PTPRE: variants seen among roughly 807,000 people sequenced by gnomAD.
The protein encoded by PTPRE is protein tyrosine phosphatase receptor type E, also known as receptor-type tyrosine-protein phosphatase epsilon.
PTPRE carries 51 observed loss-of-function variants against 102.0 expected under a neutral mutation model. The observed-to-expected ratio is 0.50, with a 90% confidence interval of 0.40 to 0.63. PTPRE has a LOEUF of 0.63. PTPRE is among the 30% of genes least tolerant of loss of function. PTPRE has a pLI of 0.00. For synonymous variants in PTPRE, 345 were observed against 348.2 expected (o/e 0.99, Z 0.10); for missense variants, 752 against 915.1 (o/e 0.82, Z 2.30).
At chr10:127,946,651 G>GGT (rs1400246586) in intron 1 of PTPRE, among the ~76,000 whole-genome samples, 5 of 152,232 alleles carry the variant, frequency 3.3e-5, no homozygotes, top group African/African-American at 1.2e-4. Context: ...CAGGGACAAA[G>GGT]GTGTGTGCAG....
intron 6 of PTPRE, among the ~76,000 whole-genome samples, chr10:128,050,258 A>C (rs1848450556): frequency 6.6e-6 from 1 of 150,854 alleles, no homozygotes; most frequent in Non-Finnish European, 1.5e-5. Context: ...GGATGGATGG[A>C]TGATGGATGG....
intron 2 of PTPRE, among the ~76,000 whole-genome samples, chr10:128,003,922 C>A (rs1211301955): frequency 1.3e-5 from 2 of 151,824 alleles, no homozygotes; most frequent in African/African-American, 4.8e-5. Context: ...TTGGCAACAC[C>A]CCACCCATTC....
intron 2 of PTPRE, among the ~76,000 whole-genome samples, chr10:127,984,775 C>T (rs140151221): frequency 1.6e-3 from 238 of 152,324 alleles, no homozygotes; most frequent in Admixed American, 2.4e-3. Context: ...CCATGTGAGA[C>T]GTGCCTTTCA....
intron 1 of PTPRE, among the ~76,000 whole-genome samples, chr10:127,936,959 T>C (rs899672410): frequency 6.6e-6 from 1 of 152,180 alleles, no homozygotes; most frequent in African/African-American, 2.4e-5. Flanking sequence ...CTTGCTGCAG[T>C]GAAGGTGGCC....
chr10:128,004,143 G>A lies in PTPRE; in HGVS notation c.-8+21847G>A, dbSNP rs535759079. Among the ~76,000 whole-genome samples, 222 of 151,584 alleles carry A rather than the reference G, an allele frequency of 1.5e-3. 2 individuals are homozygous for A. Among genetic ancestry groups the A allele is most frequent in the African/African-American group, 5.1e-3 (212 of 41,286 alleles). ...AATGTGCTGCGTGCAACAAATGTTA[G>A]GTGTTAATAACGATGATACTACCCT... On this transcript the variant is annotated intron_variant, in intron 2 of 20. Coordinates refer to ENST00000254667, the MANE Select transcript of PTPRE (RefSeq NM_006504.6).
intron 7 of PTPRE, among the ~76,000 whole-genome samples, chr10:128,058,557 CG>C (rs908189305): frequency 6.6e-6 from 1 of 152,178 alleles, no homozygotes; most frequent in African/African-American, 2.4e-5. Context: ...GGCATGGAGA[CG>C]CTGTGGCCTG....
intron 1 of PTPRE, among the ~76,000 whole-genome samples, chr10:127,975,086 G>A (rs540160264): frequency 6.6e-6 from 1 of 152,298 alleles, no homozygotes; most frequent in Non-Finnish European, 1.5e-5. Context: ...AGTAGGACTT[G>A]ACCTACTGGA....
At chr10:127,921,828 A>G (rs1173617321) in intron 1 of PTPRE, among the ~76,000 whole-genome samples, 3 of 152,186 alleles carry the variant, frequency 2.0e-5, no homozygotes, top group Non-Finnish European at 4.4e-5. Flanking sequence ...GGGTCCCAGA[A>G]TGAGGTCAGG....
intron 1 of PTPRE, among the ~76,000 whole-genome samples, chr10:127,911,566 C>T (rs1017494130): frequency 6.6e-6 from 1 of 152,180 alleles, no homozygotes; most frequent in African/African-American, 2.4e-5. Context: ...CTTTGCTTAT[C>T]CAAAGAAAGG....
rs1383730919 is a variant in PTPRE, at chr10:128,082,201, T to C, written c.2029-631T>C. Among the ~76,000 whole-genome samples, 23 of 111,244 alleles carry C rather than the reference T, an allele frequency of 2.1e-4. 1 individual carries two copies. The highest frequency in any genetic ancestry group is 3.4e-4 in the African/African-American group (9 of 26,616). The allele number at this position is 111,244 out of a possible 152,430, so 73.0% of individuals were successfully genotyped here. On this transcript the variant is annotated intron_variant, in intron 20 of 20. Coordinates refer to ENST00000254667, the MANE Select transcript of PTPRE (RefSeq NM_006504.6). Reference sequence around the variant, plus strand: ...CTCTGATTTTTTTCTCTTTCTTTTTTTTTTTTTTTTTTTTTTTTTTTTGAG... The same window carrying C: ...CTCTGATTTTTTTCTCTTTCTTTTTCTTTTTTTTTTTTTTTTTTTTTTGAG...
At chr10:127,962,105 A>G (rs976880157) in intron 1 of PTPRE, among the ~76,000 whole-genome samples, 1 of 152,182 alleles carries the variant, frequency 6.6e-6, no homozygotes, top group Non-Finnish European at 1.5e-5. Context: ...GAAGCACAGT[A>G]AGTATTCTGT....
chr10:128,082,195 C>CTTTT lies in PTPRE; in HGVS notation c.2029-612_2029-609dup, dbSNP rs35709074. On this transcript the variant is annotated intron_variant, in intron 20 of 20. Transcript: ENST00000254667. ...TTAGTACTCTGATTTTTTTCTCTTT[C>CTTTT]TTTTTTTTTTTTTTTTTTTTTTTTT... 3.2e-3 allele frequency among the ~76,000 whole-genome samples: 285 copies of CTTTT among 88,992 alleles called. 19 individuals carry two copies. The highest frequency in any genetic ancestry group is 5.6e-3 in the African/African-American group (123 of 21,968). The allele number at this position is 88,992 out of a possible 152,430, so 58.4% of individuals were successfully genotyped here.
At chr10:128,006,195 A>C (rs1170261212) in intron 2 of PTPRE, among the ~76,000 whole-genome samples, 1 of 152,170 alleles carries the variant, frequency 6.6e-6, no homozygotes, top group Non-Finnish European at 1.5e-5. Context: ...TTCCCACTGA[A>C]GGTCTTGAGG....
rs192236739 is a variant in PTPRE, at chr10:128,072,226, G to A, written c.1464+12G>A. On this transcript the variant is annotated intron_variant, in intron 16 of 20. Transcript: ENST00000254667. Reference sequence around the variant, plus strand: ...CATCCTTCATAGACGTACGTATGCTGGCCTGGGTTGTGTTTATGCAGATGT... The same window carrying A: ...CATCCTTCATAGACGTACGTATGCTAGCCTGGGTTGTGTTTATGCAGATGT... 6.2e-7 allele frequency: 1 copy of A among 1,609,046 alleles called. No homozygotes were observed. Among genetic ancestry groups the A allele is most frequent in the East Asian group, 2.2e-5 (1 of 44,812 alleles).
chr10:127,923,355 G>A (rs1846750152), intron 1 of PTPRE, among the ~76,000 whole-genome samples: 1 of 151,684 alleles, frequency 6.6e-6, no homozygotes, highest in Admixed American at 6.6e-5. Flanking sequence ...CCTCATAATG[G>A]AATCGCTTGC....
At chr10:128,062,523 C>T (rs1343030279) in intron 9 of PTPRE, among the ~76,000 whole-genome samples, 1 of 152,190 alleles carries the variant, frequency 6.6e-6, no homozygotes, top group Non-Finnish European at 1.5e-5. Context: ...TCCTTATCTC[C>T]CCGCCCATCC....
chr10:128,053,712 G>A (rs952726217), intron 6 of PTPRE, among the ~76,000 whole-genome samples: 2 of 152,146 alleles, frequency 1.3e-5, no homozygotes, highest in Admixed American at 6.5e-5. Context: ...GTCCATCCTC[G>A]CCATCCAATC....
chr10:128,060,657 C>A (rs1264160520), intron 7 of PTPRE, among the ~76,000 whole-genome samples: 1 of 152,194 alleles, frequency 6.6e-6, no homozygotes, highest in Non-Finnish European at 1.5e-5. Context: ...AATGACCCAG[C>A]AGCCCCCATC....
intron 2 of PTPRE, among the ~76,000 whole-genome samples, chr10:128,013,574 T>G (rs779223468): frequency 2.0e-4 from 30 of 152,172 alleles, no homozygotes; most frequent in Non-Finnish European, 3.7e-4. Flanking sequence ...ATTTATATGC[T>G]GAAATCTGAT....
Sources: allele counts gnomAD v4.1 joint callset (sites outside exome capture counted in the v4.1 genomes callset), GRCh38; gene constraint gnomAD v4.1.1; transcripts MANE v1.5; gene names NCBI Gene and HGNC (gene_info 2026-07-23, HGNC 2026-07-21).